The following ACACA variants were observed in gnomAD, a reference collection of about 807,000 sequenced individuals.
ACACA encodes acetyl-CoA carboxylase 1.
Under a neutral mutation model 296.1 loss-of-function variants are expected in ACACA, and 103 were observed. The observed-to-expected ratio is 0.35, with a 90% CI of 0.30 to 0.41. ACACA has a LOEUF of 0.41. Among genes scored for constraint, ACACA ranks in the 10% least tolerant of loss-of-function variants. ACACA has a pLI of 1.00. For synonymous variants in ACACA, 953 were observed against 1,038.6 expected (o/e 0.92, Z 1.58); for missense variants, 1,554 against 2,989.7 (o/e 0.52, Z 11.20).
chr17:37,221,589 C>T (rs2079293329), intron 29 of ACACA, 135 bp downstream of exon 29: 2 of 811,218 alleles, frequency 2.5e-6, no homozygotes, highest in Admixed American at 3.8e-5. Flanking sequence ...AGGCTCTTCT[C>T]TTTTGGTTCA....
chr17:37,224,793 C>G (rs946048884), intron 27 of ACACA, among the ~76,000 whole-genome samples, 199 bp downstream of exon 27: 13 of 151,710 alleles, frequency 8.6e-5, no homozygotes, highest in African/African-American at 2.7e-4. Flanking sequence ...TAAGCTAAAC[C>G]ACAATTCTAA....
intron 6 of ACACA, 55 bp from the exon 7 acceptor site, chr17:37,277,169 A>C: frequency 4.1e-6 from 6 of 1,470,056 alleles, no homozygotes; most frequent in Non-Finnish European, 5.7e-6. Flanking sequence ...ACCCCCACAA[A>C]CTGCAAGAGT....
intron 23 of ACACA, among the ~76,000 whole-genome samples, chr17:37,241,491 G>A (rs1489625306): frequency 1.3e-5 from 2 of 152,098 alleles, no homozygotes; most frequent in Non-Finnish European, 2.9e-5. Context: ...GGTCATTTGA[G>A]CCCAAGAGTT....
At chr17:37,288,917 G>A (rs1323286351) in intron 3 of ACACA, among the ~76,000 whole-genome samples, 1 of 151,280 alleles carries the variant, frequency 6.6e-6, no homozygotes, top group Non-Finnish European at 1.5e-5. Context: ...AAAAAAAAAG[G>A]GTAAACTTTA....
At chr17:37,387,151 ACT>A (rs2147779945) in intron 1 of ACACA, 1 of 150,914 alleles carries the variant, frequency 6.6e-6, no homozygotes, top group Admixed American at 6.6e-5. Flanking sequence ...ATGGAGTCTC[ACT>A]CTGTCACCCA....
intron 52 of ACACA, among the ~76,000 whole-genome samples, chr17:37,108,129 ACT>A (rs1169472347): frequency 6.6e-6 from 1 of 152,004 alleles, no homozygotes; most frequent in Non-Finnish European, 1.5e-5. Context: ...GCAATGCAAG[ACT>A]CTGGGGCCTG....
intron 26 of ACACA, chr17:37,225,632 T>C (rs2079511692): frequency 5.7e-6 from 1 of 175,386 alleles, no homozygotes; most frequent in Non-Finnish European, 1.2e-5. Flanking sequence ...GTGAAAGCAG[T>C]GTCACAAACA....
chr17:37,090,755 CT>C (rs2072566047), intron 54 of ACACA, among the ~76,000 whole-genome samples: 1 of 152,190 alleles, frequency 6.6e-6, no homozygotes, highest in East Asian at 1.9e-4. Flanking sequence ...ATGGGTCCCC[CT>C]GGACTCCTAA....
At chr17:37,229,609 G>T (rs2079746654) in intron 25 of ACACA, among the ~76,000 whole-genome samples, 1 of 151,906 alleles carries the variant, frequency 6.6e-6, no homozygotes, top group South Asian at 2.1e-4. Context: ...GGCAGTTACA[G>T]ATCATGCTCT....
intron 3 of ACACA, among the ~76,000 whole-genome samples, chr17:37,290,524 G>A (rs962834449): frequency 2.0e-5 from 3 of 152,078 alleles, no homozygotes; most frequent in African/African-American, 7.2e-5. Flanking sequence ...TACAAGTGAG[G>A]CTCAGAGGGA....
chr17:37,335,495 C>T (rs1356593555), intron 2 of ACACA, among the ~76,000 whole-genome samples: 1 of 152,164 alleles, frequency 6.6e-6, no homozygotes, highest in African/African-American at 2.4e-5. Flanking sequence ...GGTACCTCAG[C>T]CTATCATTGT....
chr17:37,313,925 T>C (rs1245645494), intron 3 of ACACA, among the ~76,000 whole-genome samples: 1 of 152,138 alleles, frequency 6.6e-6, no homozygotes, highest in Admixed American at 6.6e-5. Flanking sequence ...ACAGCACTAT[T>C]CACAATGGCC....
intron 52 of ACACA, among the ~76,000 whole-genome samples, chr17:37,101,384 G>A (rs1358446614): frequency 2.6e-5 from 4 of 152,138 alleles, no homozygotes; most frequent in Non-Finnish European, 5.9e-5. Context: ...ATAGGGTACT[G>A]GGCACCATTC....
At chr17:37,214,534 C>G (rs766427180) in intron 29 of ACACA, among the ~76,000 whole-genome samples, 1 of 152,188 alleles carries the variant, frequency 6.6e-6, no homozygotes, top group Non-Finnish European at 1.5e-5. Context: ...GTCCTGGATT[C>G]TGCTTTTCCT....
intron 39 of ACACA, among the ~76,000 whole-genome samples, chr17:37,183,944 C>T (rs778112179): frequency 9.3e-5 from 14 of 150,096 alleles, no homozygotes; most frequent in Non-Finnish European, 3.0e-5. Flanking sequence ...CCTCTGCCTC[C>T]TGGGTTCAAG....
Position 37,353,639 on chromosome 17 carries a change from A to AGT in ACACA, c.39-13790_39-13789insAC, listed in dbSNP as rs2049005309. 1.2e-4 allele frequency among the ~76,000 whole-genome samples: 9 copies of AGT among 72,632 alleles called. No homozygotes were observed. In the Admixed American group the frequency reaches 1.6e-3, roughly 13 times the overall value. The allele number at this position is 72,632 out of a possible 152,430, so 47.6% of individuals were successfully genotyped here. Reference sequence around the variant, plus strand: ...AGGCGACAGAGCAAGACTCCGTCTAAAAAAAAAAAAAAAAAAAAAAAAAAA... The same window carrying AGT: ...AGGCGACAGAGCAAGACTCCGTCTAAGTAAAAAAAAAAAAAAAAAAAAAAAAA... On this transcript the variant is annotated intron_variant, in intron 1 of 55. Transcript: ENST00000616317.
intron 54 of ACACA, among the ~76,000 whole-genome samples, chr17:37,092,123 C>T (rs2072680565): frequency 6.6e-6 from 1 of 151,402 alleles, no homozygotes; most frequent in Non-Finnish European, 1.5e-5. Flanking sequence ...CCCACCTCTA[C>T]AAAAAAATCA....
chr17:37,282,607 G>A (rs138175778), intron 5 of ACACA, among the ~76,000 whole-genome samples: 81 of 151,930 alleles, frequency 5.3e-4, no homozygotes, highest in African/African-American at 1.8e-3. Context: ...GCTCTTTTTC[G>A]CAGCTTCCTA....
intron 52 of ACACA, among the ~76,000 whole-genome samples, chr17:37,107,272 C>T (rs1338482272): frequency 6.6e-6 from 1 of 152,200 alleles, no homozygotes; most frequent in Non-Finnish European, 1.5e-5. Context: ...AACTCTGGCT[C>T]TTTTCAGCTT....
Sources: allele counts gnomAD v4.1 joint callset (sites outside exome capture counted in the v4.1 genomes callset), GRCh38; gene constraint gnomAD v4.1.1; transcripts MANE v1.5; gene names NCBI Gene and HGNC (gene_info 2026-07-23, HGNC 2026-07-21).